UBA2: variants seen among roughly 807,000 people sequenced by gnomAD.
The protein encoded by UBA2 is SUMO-activating enzyme subunit 2.
In UBA2, 11 loss-of-function variants were observed where a neutral mutation model predicts 77.2. The ratio of observed to expected loss-of-function variants is 0.14; its 90% CI spans 0.09 to 0.24. UBA2 has a LOEUF of 0.24. Ranked by LOEUF, UBA2 falls within the 10% of genes least tolerant of loss-of-function variation. The probability of loss-of-function intolerance (pLI) is 1.00; values close to 1 mark genes in which losing one functional copy is unlikely to be tolerated. For synonymous variants in UBA2, 278 were observed against 276.7 expected (o/e 1.00, Z -0.05); for missense variants, 487 against 781.7 (o/e 0.62, Z 4.50).
rs148312276 is a variant in UBA2, at chr19:34,460,359, G to A, written c.1402-111G>A. 7 of 738,396 alleles carry A rather than the reference G, an allele frequency of 9.5e-6. No homozygotes were observed. In the East Asian group the frequency reaches 1.4e-4, roughly 14 times the overall value. 45.7% of individuals were successfully genotyped at this position (738,396 alleles called of 1,614,324 possible). A position where few individuals can be genotyped will look rare whatever the true frequency, so the allele number is the denominator to read the frequency against. On this transcript the variant is annotated intron_variant, in intron 13 of 16. Coordinates refer to ENST00000246548, the MANE Select transcript of UBA2 (RefSeq NM_005499.3). ...AGGGATCTTGAAGAGTGACTTCGCC[G>A]GTTTCCAATAAATAGAAGGGGAAAG...
At chr19:34,455,466 C>T (rs573155274) in intron 12 of UBA2, among the ~76,000 whole-genome samples, 1 of 152,246 alleles carries the variant, frequency 6.6e-6, no homozygotes, top group Admixed American at 6.5e-5. Flanking sequence ...TGTCTGCAGA[C>T]ACTTCGCTTT....
rs541290222 is a variant in UBA2 at position 34,453,974 on chromosome 19, C to T, written c.1039-286C>T. ...ATTCCGGTGTATACAACTGAGTCTC[C>T]GGTGCCTTTGTTTAGGCTGGAGTGA... On this transcript the variant is annotated intron_variant, in intron 10 of 16. Transcript: ENST00000246548. 2.5e-3 allele frequency among the ~76,000 whole-genome samples: 374 copies of T among 151,994 alleles called. 1 individual carries two copies. The highest frequency in any genetic ancestry group is 7.1e-3 in the South Asian group (34 of 4,792).
chr19:34,445,127 ATT>A lies in UBA2; in HGVS notation c.771+8_771+9del. ...CAGTTAAACTTTTTACCAAGGTTAG[ATT>A]TACTTTTTTTATAATCATGGATAGA... On this transcript the variant is annotated splice_region_variant and intron_variant, in intron 8 of 16. Coordinates refer to ENST00000246548, the MANE Select transcript of UBA2 (RefSeq NM_005499.3). The A allele has an allele frequency of 6.2e-7, 1 of 1,608,068 alleles. No homozygotes were observed. Among genetic ancestry groups the A allele is most frequent in the South Asian group, 1.1e-5 (1 of 89,688 alleles).
chr19:34,444,851 G>C, intron 7 of UBA2, 149 bp from the exon 8 acceptor site: 1 of 747,758 alleles, frequency 1.3e-6, no homozygotes, highest in Non-Finnish European at 2.1e-6. Flanking sequence ...AGATGCTGAT[G>C]AATGTGTTAT....
intron 1 of UBA2, among the ~76,000 whole-genome samples, chr19:34,429,435 A>G (rs2145483157): frequency 6.6e-6 from 1 of 152,326 alleles, no homozygotes; most frequent in South Asian, 2.1e-4. Context: ...CGACTGAGTC[A>G]TTGTTTCTTT....
intron 6 of UBA2, among the ~76,000 whole-genome samples, chr19:34,440,734 T>G (rs2075359521): frequency 6.6e-6 from 1 of 152,032 alleles, no homozygotes; most frequent in Non-Finnish European, 1.5e-5. Context: ...CAAGACCAAC[T>G]TGGCCAATAT....
chr19:34,430,455 A>ATCCC (rs2075240054), intron 1 of UBA2, 121 bp from the exon 2 acceptor site: 1 of 582,446 alleles, frequency 1.7e-6, no homozygotes, highest in African/African-American at 1.9e-5. Context: ...GCGATTCGAA[A>ATCCC]AACGCTTTCT....
chr19:34,456,340 C>T (rs1182170661), intron 12 of UBA2, among the ~76,000 whole-genome samples: 1 of 151,398 alleles, frequency 6.6e-6, no homozygotes, highest in Non-Finnish European at 1.5e-5. Flanking sequence ...TCTCAAACTC[C>T]TGGCCTGAAG....
At chr19:34,437,405 T>C (rs947732127) in intron 5 of UBA2, among the ~76,000 whole-genome samples, 3 of 149,212 alleles carry the variant, frequency 2.0e-5, no homozygotes, top group Non-Finnish European at 3.0e-5. Context: ...AGGTAAGGAG[T>C]TCGAGACCAG....
At chr19:34,454,012 T>A (rs1451366519) in intron 10 of UBA2, among the ~76,000 whole-genome samples, 1 of 152,044 alleles carries the variant, frequency 6.6e-6, no homozygotes, top group African/African-American at 2.4e-5. Flanking sequence ...TCCTAGAAGC[T>A]GGTGATTCTT....
At position 34,471,170 on chromosome 19, in the gene UBA2, TC is replaced by T. The variant is rs1428900636; in HGVS notation, c.*1953del. 1 of 152,182 alleles carries T rather than the reference TC, an allele frequency of 6.6e-6. No homozygotes were observed. The highest frequency in any genetic ancestry group is 1.9e-4 in the East Asian group (1 of 5,198). The allele number at this position is 152,182 out of a possible 1,614,324, so 9.4% of individuals were successfully genotyped here. A position where few individuals can be genotyped will look rare whatever the true frequency, so the allele number is the denominator to read the frequency against. On this transcript the variant is annotated 3_prime_UTR_variant, in exon 17 of 17. Coordinates refer to ENST00000246548, the MANE Select transcript of UBA2 (RefSeq NM_005499.3). The stretch of plus-strand genomic sequence containing the variant: ...GAGAACAGAAAGCCATTAAGCTGTT[TC>T]CCCTATTGTATTCATGTGCCCTTTG...
At chr19:34,456,186 C>A (rs2075560929) in intron 12 of UBA2, among the ~76,000 whole-genome samples, 1 of 140,806 alleles carries the variant, frequency 7.1e-6, no homozygotes, top group African/African-American at 2.7e-5. Flanking sequence ...GTGATCTCGG[C>A]TCACTGCAAC....
intron 4 of UBA2, 111 bp downstream of exon 4, chr19:34,433,523 T>C: frequency 2.6e-6 from 2 of 782,028 alleles, no homozygotes; most frequent in Non-Finnish European, 4.1e-6. Flanking sequence ...TTAAAAGACT[T>C]AAGAGAAATG....
intron 3 of UBA2, among the ~76,000 whole-genome samples, chr19:34,433,068 A>G (rs1218592470): frequency 6.6e-6 from 1 of 152,154 alleles, no homozygotes; most frequent in Non-Finnish European, 1.5e-5. Flanking sequence ...CTGCCCAAAG[A>G]AGGCCTAGTG....
intron 5 of UBA2, 49 bp downstream of exon 5, chr19:34,435,017 C>T (rs984772936): frequency 1.6e-6 from 2 of 1,247,762 alleles, no homozygotes; most frequent in South Asian, 1.3e-5. Context: ...TATTTGAGAC[C>T]TTGGAGCAGG....
chr19:34,433,901 T>C (rs2075282195), intron 4 of UBA2, among the ~76,000 whole-genome samples: 1 of 152,054 alleles, frequency 6.6e-6, no homozygotes, highest in Non-Finnish European at 1.5e-5. Flanking sequence ...GAGGTTGCAG[T>C]GAGCCTAGAT....
chr19:34,463,876 T>A (rs1451298049), intron 14 of UBA2, 150 bp from the exon 15 acceptor site: 1 of 620,988 alleles, frequency 1.6e-6, no homozygotes, highest in Non-Finnish European at 2.9e-6. Flanking sequence ...ACAATCAGAT[T>A]CTGAGATACT....
chr19:34,435,323 G>T (rs2145495705), intron 5 of UBA2, among the ~76,000 whole-genome samples: 1 of 152,198 alleles, frequency 6.6e-6, no homozygotes, highest in Admixed American at 6.5e-5. Flanking sequence ...ACTTGAACCT[G>T]AGAGGCAGAG....
chr19:34,442,072 A>G (rs1256937699), intron 6 of UBA2, among the ~76,000 whole-genome samples: 1 of 151,976 alleles, frequency 6.6e-6, no homozygotes, highest in Non-Finnish European at 1.5e-5. Flanking sequence ...CCATCACTAC[A>G]AAAAATTTAA....
Sources: gnomAD v4.1 joint callset for allele counts (sites outside exome capture counted in the v4.1 genomes callset) on GRCh38, gnomAD v4.1.1 for gene constraint, MANE v1.5 for transcripts, NCBI Gene and HGNC (gene_info 2026-07-23, HGNC 2026-07-21) for gene names.